ATOH8: variants seen among roughly 807,000 people sequenced by gnomAD.
ATOH8 encodes transcription factor ATOH8.
ATOH8 carries 9 observed loss-of-function variants against 21.2 expected under a neutral mutation model. The ratio of observed to expected loss-of-function variants is 0.42; its 90% confidence interval spans 0.26 to 0.74. The LOEUF (loss-of-function observed/expected upper bound fraction) is 0.74, where lower values mean the gene tolerates loss of function less well. ATOH8 is among the 30% of genes least tolerant of loss of function. The probability of loss-of-function intolerance (pLI) is 0.24; values close to 1 mark genes in which losing one functional copy is unlikely to be tolerated. For synonymous variants in ATOH8, 253 were observed against 224.0 expected (o/e 1.13, Z -1.16); for missense variants, 524 against 470.9 (o/e 1.11, Z -1.04).
intron 2 of ATOH8, among the ~76,000 whole-genome samples, chr2:85,771,113 A>G (rs180956485): frequency 3.3e-5 from 5 of 152,250 alleles, no homozygotes; most frequent in East Asian, 3.9e-4. Context: ...ACCCCAGAGA[A>G]CGCTGTGGTT....
chr2:85,779,647 G>A (rs1396885102), intron 2 of ATOH8, among the ~76,000 whole-genome samples: 1 of 152,220 alleles, frequency 6.6e-6, no homozygotes, highest in Admixed American at 6.5e-5. Flanking sequence ...TTGCCAGTGA[G>A]GAAACTGAGG....
intron 1 of ATOH8, among the ~76,000 whole-genome samples, chr2:85,757,294 C>T (rs1262557845): frequency 6.6e-6 from 1 of 152,244 alleles, no homozygotes; most frequent in African/African-American, 2.4e-5. Context: ...ACCATGGCAC[C>T]CATTCGATAG....
At position 85,790,958 on chromosome 2, in the gene ATOH8, A is replaced by G. The variant is rs189213583; in HGVS notation, c.*4068A>G. ...CAGACATCTCCAAGGAAACCCTTTGAGTGGATCTGTACCGTTGTTCTCGTC... is the reference window on the plus strand; with the variant it reads ...CAGACATCTCCAAGGAAACCCTTTGGGTGGATCTGTACCGTTGTTCTCGTC... On this transcript the variant is annotated 3_prime_UTR_variant, in exon 3 of 3. Transcript: ENST00000306279. 9.8e-5 allele frequency among the ~76,000 whole-genome samples: 15 copies of G among 152,308 alleles called. No individual in the cohort carries two copies. The highest frequency in any genetic ancestry group is 2.1e-4 in the Non-Finnish European group (14 of 68,024).
In ATOH8 at chr2:85,754,729, C is replaced by T. The variant is rs1348629117; in HGVS notation, c.540C>T (p.Arg180=). The T allele has an allele frequency of 3.1e-6, 5 of 1,612,328 alleles. No individual in the cohort carries two copies. Among genetic ancestry groups the T allele is most frequent in the Admixed American group, 3.3e-5 (2 of 60,014 alleles). ...CAGCGCCCCCGGAGTCCACTGTGCG[C>T]CCTGCGCCCCCGACGCGCCCCGGGG... The part of the protein sequence containing the change: ...APPAPPESTV[R]PAPPTRPGES... Residue 180 remains arginine (R), a synonymous_variant, in exon 1 of 3, where the codon CGC becomes CGT. Transcript: ENST00000306279.
At chr2:85,764,953 A>T (rs1679969260) in intron 2 of ATOH8, among the ~76,000 whole-genome samples, 1 of 152,066 alleles carries the variant, frequency 6.6e-6, no homozygotes, top group Non-Finnish European at 1.5e-5. Context: ...AGGGAACAGC[A>T]TCTGAGGCAG....
Position 85,754,882 on chromosome 2 carries a change from G to T in ATOH8, c.693G>T (p.Arg231=), listed in dbSNP as rs773429076. ...AGATCAAAGCCCTGCAGCAGACCCGGAGGCTCCTGGCGAACGCCAGGGAGC... is the reference window on the plus strand; with the variant it reads ...AGATCAAAGCCCTGCAGCAGACCCGTAGGCTCCTGGCGAACGCCAGGGAGC... ...SSEIKALQQT[R]RLLANARERT... The change falls in exon 1 of 3, where the codon CGG becomes CGT. Residue 231 remains arginine (R), a synonymous_variant. Transcript: ENST00000306279. The T allele has an allele frequency of 2.0e-5, 32 of 1,611,462 alleles. 1 individual carries two copies. The Middle Eastern group carries it at 1.3e-3, about 67-fold the overall frequency.
chr2:85,779,867 A>T (rs114466994), intron 2 of ATOH8, among the ~76,000 whole-genome samples: 1,612 of 152,246 alleles, frequency 0.011, 24 homozygotes, highest in African/African-American at 0.037. Context: ...GGCACTGAAC[A>T]CTAATGCACT....
intron 1 of ATOH8, among the ~76,000 whole-genome samples, chr2:85,761,966 CCTT>C (rs1294833622): frequency 6.6e-6 from 1 of 152,132 alleles, no homozygotes; most frequent in Non-Finnish European, 1.5e-5. Context: ...TTCTCTGTTG[CCTT>C]CTTCTCCCTC....
chr2:85,757,379 C>T (rs1487105507), intron 1 of ATOH8, among the ~76,000 whole-genome samples: 1 of 152,224 alleles, frequency 6.6e-6, no homozygotes, highest in East Asian at 1.9e-4. Context: ...ACTCCGCACC[C>T]CCTCCCCGAA....
intron 2 of ATOH8, among the ~76,000 whole-genome samples, chr2:85,765,230 C>T (rs1168875210): frequency 6.6e-6 from 1 of 152,212 alleles, no homozygotes; most frequent in Non-Finnish European, 1.5e-5. Flanking sequence ...CATCCTCCAT[C>T]CATTCTTTCC....
rs1229215786 is a variant in ATOH8 at position 85,785,507 on chromosome 2, C to G, written c.961-1378C>G. ...GCCCGGCTCCCTCGCCCTCCTTGGA[C>G]CCCACTTCAGCCTTGCCCCAGACTT... On this transcript the variant is annotated intron_variant, in intron 2 of 2. Coordinates refer to ENST00000306279, the MANE Select transcript of ATOH8 (RefSeq NM_032827.7). The surrounding 1 kb of genome is among the most constrained non-coding windows in gnomAD (Gnocchi z 4.1). Among the ~76,000 whole-genome samples, 1 of 152,252 alleles carries G rather than the reference C, an allele frequency of 6.6e-6. No homozygotes were observed. The highest frequency in any genetic ancestry group is 1.5e-5 in the Non-Finnish European group (1 of 68,044).
chr2:85,770,092 C>T (rs371252642), intron 2 of ATOH8, among the ~76,000 whole-genome samples: 27 of 152,304 alleles, frequency 1.8e-4, no homozygotes, highest in African/African-American at 6.0e-4. Context: ...AGAATACTGG[C>T]GACATCTGAT....
rs896593738 is a variant in ATOH8 at position 85,786,978 on chromosome 2, G to C, written c.*88G>C. On this transcript the variant is annotated 3_prime_UTR_variant, in exon 3 of 3. Transcript: ENST00000306279. ...AGGTGAGCTCGCTGAGTCCAGCCTC[G>C]TGGTCTTCTCCAAGATGCCGCCAGA... 2.5e-6 allele frequency: 4 copies of C among 1,577,746 alleles called. No homozygotes were observed. The highest frequency in any genetic ancestry group is 3.5e-6 in the Non-Finnish European group (4 of 1,150,904).
chr2:85,762,792 G>T (rs1341810797), intron 1 of ATOH8, among the ~76,000 whole-genome samples: 1 of 152,096 alleles, frequency 6.6e-6, no homozygotes, highest in East Asian at 1.9e-4. Flanking sequence ...GTTCTCTGTT[G>T]TGGGGGCACT....
At chr2:85,762,011 G>A (rs1679884811) in intron 1 of ATOH8, among the ~76,000 whole-genome samples, 1 of 150,644 alleles carries the variant, frequency 6.6e-6, no homozygotes, top group Non-Finnish European at 1.5e-5. Flanking sequence ...ACCCCCAGAG[G>A]GTGGAGGGTA....
rs1057276265 is a variant in ATOH8 at position 85,789,224 on chromosome 2, A to T, written c.*2334A>T. ...CATCCCCCTCCTGCATACATACTTC[A>T]TTACATGTTTCCCTTTCATTCTGAA... On this transcript the variant is annotated 3_prime_UTR_variant, in exon 3 of 3. Coordinates refer to ENST00000306279, the MANE Select transcript of ATOH8 (RefSeq NM_032827.7). Among the ~76,000 whole-genome samples, 2 of 152,072 alleles carry T rather than the reference A, an allele frequency of 1.3e-5. No homozygotes were observed. Among genetic ancestry groups the T allele is most frequent in the African/African-American group, 4.8e-5 (2 of 41,390 alleles).
At chr2:85,774,055 C>CA in intron 2 of ATOH8, 1 of 976,318 alleles carries the variant, frequency 1.0e-6, no homozygotes, top group Non-Finnish European at 1.2e-6. Flanking sequence ...GAAGCTACCC[C>CA]ACCAGCTCCT....
rs1026352565 is a variant in ATOH8, at chr2:85,787,042, G to T, written c.*152G>T. The T allele has an allele frequency of 5.1e-6, 5 of 971,462 alleles. No homozygotes were observed. Among genetic ancestry groups the T allele is most frequent in the Non-Finnish European group, 7.7e-6 (5 of 649,134 alleles). 60.2% of individuals were successfully genotyped at this position (971,462 alleles called of 1,614,324 possible). The stretch of plus-strand genomic sequence containing the variant: ...GCCTCTCAGGGTCGGATCGGAGCAC[G>T]CCTGCCTCCCTCTCCCCTCCGCCCT... On this transcript the variant is annotated 3_prime_UTR_variant, in exon 3 of 3. Coordinates refer to ENST00000306279, the MANE Select transcript of ATOH8 (RefSeq NM_032827.7).
At chr2:85,759,452 A>G (rs998155210) in intron 1 of ATOH8, among the ~76,000 whole-genome samples, 3 of 151,960 alleles carry the variant, frequency 2.0e-5, no homozygotes, top group Non-Finnish European at 4.4e-5. Flanking sequence ...CATTTTACAG[A>G]TGAGGACACT....
Sources: allele counts gnomAD v4.1 joint callset (sites outside exome capture counted in the v4.1 genomes callset), GRCh38; gene constraint gnomAD v4.1.1; non-coding constraint Gnocchi (gnomAD v3.1); transcripts MANE v1.5; gene names NCBI Gene and HGNC (gene_info 2026-07-23, HGNC 2026-07-21).